The following RIN3 variants were observed in gnomAD, a reference collection of about 807,000 sequenced individuals.
RIN3 encodes the protein RAB5 interacting protein 3.
RIN3 carries 54 observed loss-of-function variants against 76.3 expected under a neutral mutation model. The ratio of observed to expected loss-of-function variants is 0.71; its 90% CI spans 0.57 to 0.89. The LOEUF (loss-of-function observed/expected upper bound fraction) is 0.89. Ranked by LOEUF, RIN3 falls within the 40% of genes least tolerant of loss-of-function variation. RIN3 has a pLI of 0.00. For missense variants in RIN3, 1,256 were observed against 1,322.1 expected, an observed-to-expected ratio of 0.95 and a Z score of 0.78; for synonymous variants, 576 against 564.0, an observed-to-expected ratio of 1.02 and a Z score of -0.30.
In RIN3 at chr14:92,668,973, C is replaced by A. The variant is rs150620330; in HGVS notation, c.2336-7502C>A. On this transcript the variant is annotated intron_variant, in intron 7 of 9. Coordinates refer to ENST00000216487, the MANE Select transcript of RIN3 (RefSeq NM_024832.5). ...TATCAAATAAATTCATTCATTCAAC[C>A]GTTCAACAAACTTTTTTTGACAATG... 2.8e-3 allele frequency among the ~76,000 whole-genome samples: 419 copies of A among 152,322 alleles called. 6 individuals are homozygous for A. Among genetic ancestry groups the A allele is most frequent in the African/African-American group, 9.6e-3 (398 of 41,570 alleles).
At chr14:92,526,223 AG>A (rs1896726782) in intron 1 of RIN3, among the ~76,000 whole-genome samples, 1 of 152,200 alleles carries the variant, frequency 6.6e-6, no homozygotes, top group Non-Finnish European at 1.5e-5. Flanking sequence ...TGGGAGGCCG[AG>A]GCAGGTGGAT....
At chr14:92,577,314 C>T (rs373368334) in intron 2 of RIN3, 46 bp from the exon 3 acceptor site, 1 of 1,416,466 alleles carries the variant, frequency 7.1e-7, no homozygotes, top group Non-Finnish European at 9.9e-7. Context: ...CTCACCTTCA[C>T]CCAAATCTTT....
In RIN3 at chr14:92,688,356, A is replaced by G. The variant is rs540793492; in HGVS notation, c.*104A>G. On this transcript the variant is annotated 3_prime_UTR_variant, in exon 10 of 10. Transcript: ENST00000216487. ...TCCACGCAGCAGAGGGACATGGGCCATTCCATGACGTGCCCAGGCCAACGT... is the reference window on the plus strand; with the variant it reads ...TCCACGCAGCAGAGGGACATGGGCCGTTCCATGACGTGCCCAGGCCAACGT... 2.3e-5 allele frequency: 26 copies of G among 1,144,434 alleles called. No homozygotes were observed. In the African/African-American group the frequency reaches 3.8e-4, roughly 17 times the overall value. The allele number at this position is 1,144,434 out of a possible 1,614,324, so 70.9% of individuals were successfully genotyped here.
Position 92,685,247 on chromosome 14 carries a change from C to A in RIN3, c.2631+97C>A. Reference sequence around the variant, plus strand: ...GGAGCCGTGACATCACCTGGCTGCTCCAGCCGCCCAGCCCTGCCTTAGGGG... The same window carrying A: ...GGAGCCGTGACATCACCTGGCTGCTACAGCCGCCCAGCCCTGCCTTAGGGG... On this transcript the variant is annotated intron_variant, in intron 9 of 9. Transcript: ENST00000216487. This position sits in a 1 kb window ranked among gnomAD's most constrained non-coding sequence, Gnocchi z 4.7. 1 of 1,291,882 alleles carries A rather than the reference C, an allele frequency of 7.7e-7. No individual in the cohort carries two copies. The highest frequency in any genetic ancestry group is 1.1e-6 in the Non-Finnish European group (1 of 949,494). 80.0% of individuals were successfully genotyped at this position (1,291,882 alleles called of 1,614,324 possible).
In RIN3 at chr14:92,688,256, C is replaced by A; in HGVS notation, c.*4C>A. 6.4e-7 allele frequency: 1 copy of A among 1,567,602 alleles called. No individual in the cohort carries two copies. Among genetic ancestry groups the A allele is most frequent in the Non-Finnish European group, 8.6e-7 (1 of 1,159,052 alleles). ...GCGGGAGCCCAACTTCCTGTGAGGC[C>A]CTCCCGGGGCGCCTCCCCTCACCCC... On this transcript the variant is annotated 3_prime_UTR_variant, in exon 10 of 10. Coordinates refer to ENST00000216487, the MANE Select transcript of RIN3 (RefSeq NM_024832.5).
chr14:92,555,783 A>T lies in RIN3; in HGVS notation c.77A>T (p.Glu26Val), dbSNP rs1334160570. 1 of 1,614,178 alleles carries T rather than the reference A, an allele frequency of 6.2e-7. No individual in the cohort carries two copies. Among genetic ancestry groups the T allele is most frequent in the East Asian group, 2.2e-5 (1 of 44,878 alleles). Residue 26 changes from glutamate (E) to valine (V), a missense_variant, in exon 2 of 10, where the codon GAG becomes GTG. Glu to Val is a moderately radical substitution (Grantham distance 121). Around this residue, in one of 3 missense-constraint regions of RIN3, gnomAD observed 610 missense variants for 626.4 expected, o/e 0.97. Coordinates refer to ENST00000216487, the MANE Select transcript of RIN3 (RefSeq NM_024832.5). The part of the protein sequence containing the change: ...PVPVVGKGEE[E>V]EEEDGMRLCL... ...CCAGTTGTTGGCAAAGGAGAGGAAG[A>T]GGAAGAGGAAGATGGCATGCGGCTT...
chr14:92,608,732 A>G (rs889282690), intron 3 of RIN3, among the ~76,000 whole-genome samples: 2 of 152,026 alleles, frequency 1.3e-5, no homozygotes, highest in African/African-American at 4.8e-5. Flanking sequence ...ACAGGGTTTC[A>G]CCATGCTGGC....
At chr14:92,544,024 C>A (rs933210265) in intron 1 of RIN3, among the ~76,000 whole-genome samples, 1 of 152,132 alleles carries the variant, frequency 6.6e-6, no homozygotes, top group Non-Finnish European at 1.5e-5. Flanking sequence ...TCCCCACCCC[C>A]CCATCTCATT....
At chr14:92,600,631 T>A (rs1477833881) in intron 3 of RIN3, among the ~76,000 whole-genome samples, 1 of 152,216 alleles carries the variant, frequency 6.6e-6, no homozygotes, top group Non-Finnish European at 1.5e-5. Context: ...TTCTGAGCAC[T>A]GATTTCGGGT....
At position 92,688,973 on chromosome 14, in the gene RIN3, A is replaced by G. The variant is rs1053765770; in HGVS notation, c.*721A>G. On this transcript the variant is annotated 3_prime_UTR_variant, in exon 10 of 10. Coordinates refer to ENST00000216487, the MANE Select transcript of RIN3 (RefSeq NM_024832.5). ...GGAGCCATCGTGTGGGGAGAATTTA[A>G]TAAAAGCCCTTTTGAAAATGACATC... The G allele has an allele frequency of 1.3e-5, 2 of 152,244 alleles. No homozygotes were observed. Among genetic ancestry groups the G allele is most frequent in the African/African-American group, 4.8e-5 (2 of 41,450 alleles). The allele number at this position is 152,244 out of a possible 1,614,324, so 9.4% of individuals were successfully genotyped here. A position where few individuals can be genotyped will look rare whatever the true frequency, so the allele number is the denominator to read the frequency against.
At chr14:92,676,729 A>G in intron 8 of RIN3, 123 bp downstream of exon 8, 1 of 1,016,742 alleles carries the variant, frequency 9.8e-7, no homozygotes, top group Admixed American at 2.2e-5. Context: ...CTCTGGACCC[A>G]TGGATGCAAA....
rs1203194058 is a variant in RIN3 at position 92,514,678 on chromosome 14, C to G, written c.44+702C>G. Among the ~76,000 whole-genome samples, 1 of 152,208 alleles carries G rather than the reference C, an allele frequency of 6.6e-6. No individual in the cohort carries two copies. The highest frequency in any genetic ancestry group is 1.5e-5 in the Non-Finnish European group (1 of 68,030). ...TTTGGGAACTGACTTGGAGAGGAGT[C>G]CCCGGTGGCTAAGTCCCCGCTCCGC... On this transcript the variant is annotated intron_variant, in intron 1 of 9. Coordinates refer to ENST00000216487, the MANE Select transcript of RIN3 (RefSeq NM_024832.5). The surrounding 1 kb of genome is among the most constrained non-coding windows in gnomAD (Gnocchi z 7.2).
chr14:92,545,822 T>TCAG (rs1284487374), intron 1 of RIN3, among the ~76,000 whole-genome samples: 2 of 152,168 alleles, frequency 1.3e-5, no homozygotes, highest in Non-Finnish European at 2.9e-5. Context: ...CAGTGGGTAT[T>TCAG]TCTCAAGGAC....
rs1027593593 is a variant in RIN3, at chr14:92,580,359, C to T, written c.367+2882C>T. Among the ~76,000 whole-genome samples the T allele has an allele frequency of 5.9e-5, 9 of 152,194 alleles. No homozygotes were observed. The South Asian group carries it at 1.9e-3, about 31-fold the overall frequency. On this transcript the variant is annotated intron_variant, in intron 3 of 9. Coordinates refer to ENST00000216487, the MANE Select transcript of RIN3 (RefSeq NM_024832.5). ...CCAGCCTGGCAACAGAGTGAGACTC[C>T]GTCTCAACAACAACAAAAACAAAAC...
intron 5 of RIN3, among the ~76,000 whole-genome samples, chr14:92,649,108 C>T (rs75772533): frequency 0.046 from 6,928 of 152,230 alleles, 309 homozygotes; most frequent in East Asian, 0.2. Context: ...CTACAGAGAA[C>T]CACCAAGGGC....
rs147725661 is a variant in RIN3 at position 92,525,256 on chromosome 14, T to A, written c.44+11280T>A. 6.4e-4 allele frequency among the ~76,000 whole-genome samples: 98 copies of A among 152,264 alleles called. No homozygotes were observed. The East Asian group carries it at 0.018, about 28-fold the overall frequency. ...AGCCACAGAAGAGCCGGCAGCACAA[T>A]GGGCGCTCGCCCCTGATGCCTGTGG... On this transcript the variant is annotated intron_variant, in intron 1 of 9. Coordinates refer to ENST00000216487, the MANE Select transcript of RIN3 (RefSeq NM_024832.5).
rs74503758 is a variant in RIN3, at chr14:92,557,789, G to T, written c.249+1834G>T. Among the ~76,000 whole-genome samples the T allele has an allele frequency of 1.1e-4, 17 of 152,356 alleles. No homozygotes were observed. The East Asian group carries it at 3.3e-3, about 29-fold the overall frequency. On this transcript the variant is annotated intron_variant, in intron 2 of 9. Coordinates refer to ENST00000216487, the MANE Select transcript of RIN3 (RefSeq NM_024832.5). ...CAGCCAGCACCCTCTGTGGTCCCCAGTTCCCCTGGTAGGTTCTCAGGAATG... is the reference window on the plus strand; with the variant it reads ...CAGCCAGCACCCTCTGTGGTCCCCATTTCCCCTGGTAGGTTCTCAGGAATG...
rs371609334 is a variant in RIN3, at chr14:92,676,721, C to G, written c.2467+115C>G. The G allele has an allele frequency of 7.6e-5, 88 of 1,156,086 alleles. No homozygotes were observed. The African/African-American group carries it at 1.1e-3, about 14-fold the overall frequency. 71.6% of individuals were successfully genotyped at this position (1,156,086 alleles called of 1,614,324 possible). ...CTGGATGCCAGACTCTGGCTGAGCT[C>G]TGGACCCATGGATGCAAATGTGAAT... On this transcript the variant is annotated intron_variant, in intron 8 of 9. Coordinates refer to ENST00000216487, the MANE Select transcript of RIN3 (RefSeq NM_024832.5).
chr14:92,574,687 C>T (rs1038285941), intron 2 of RIN3, among the ~76,000 whole-genome samples: 9 of 152,292 alleles, frequency 5.9e-5, no homozygotes, highest in African/African-American at 1.9e-4. Flanking sequence ...CCCCTTCCAT[C>T]GCCCCCTATT....
Sources: allele counts gnomAD v4.1 joint callset (sites outside exome capture counted in the v4.1 genomes callset), GRCh38; gene constraint gnomAD v4.1.1; regional missense constraint gnomAD v4.1.1; non-coding constraint Gnocchi (gnomAD v3.1); transcripts MANE v1.5; gene names NCBI Gene and HGNC (gene_info 2026-07-23, HGNC 2026-07-21).